PACRG: variants seen among roughly 807,000 people sequenced by gnomAD.
The protein encoded by PACRG is parkin coregulated.
Under a neutral mutation model 29.7 loss-of-function variants are expected in PACRG, and 29 were observed. The ratio of observed to expected loss-of-function variants is 0.98; its 90% CI spans 0.73 to 1.33. The LOEUF is 1.33. PACRG is among the 40% of genes most tolerant of loss of function. The pLI is 0.00. For synonymous variants in PACRG, 116 were observed against 118.7 expected, an observed-to-expected ratio of 0.98 and a Z score of 0.15; for missense variants, 279 against 316.2, an observed-to-expected ratio of 0.88 and a Z score of 0.89.
chr6:162,756,338 T>C (rs1273516831), intron 1 of PACRG, among the ~76,000 whole-genome samples: 2 of 152,188 alleles, frequency 1.3e-5, no homozygotes, highest in African/African-American at 4.8e-5. Context: ...TGGGTGCAAA[T>C]ATATTTATAA....
At chr6:163,030,482 C>T (rs1005804712) in intron 2 of PACRG, among the ~76,000 whole-genome samples, 5 of 152,148 alleles carry the variant, frequency 3.3e-5, no homozygotes, top group African/African-American at 9.7e-5. Flanking sequence ...CTCATCAGAG[C>T]TCCCCTTCCC....
At chr6:163,184,496 G>A (rs145323786) in intron 4 of PACRG, among the ~76,000 whole-genome samples, 387 of 152,240 alleles carry the variant, frequency 2.5e-3, no homozygotes, top group African/African-American at 8.7e-3. Context: ...CCTAAATAAT[G>A]GTGCAATTCT....
chr6:162,787,558 T>TTG (rs377437969), intron 1 of PACRG, among the ~76,000 whole-genome samples: 1,379 of 78,508 alleles, frequency 0.018, 28 homozygotes, highest in South Asian at 0.029. Flanking sequence ...TATATGGTTA[T>TTG]TGTGTGTGTG....
At chr6:163,096,022 C>T (rs142083476) in intron 4 of PACRG, among the ~76,000 whole-genome samples, 68 of 152,300 alleles carry the variant, frequency 4.5e-4, no homozygotes, top group African/African-American at 1.4e-3. Flanking sequence ...CTGCTCTGCA[C>T]GGACTAATGA....
chr6:163,096,258 G>T (rs563281234), intron 4 of PACRG, among the ~76,000 whole-genome samples: 1 of 152,288 alleles, frequency 6.6e-6, no homozygotes, highest in African/African-American at 2.4e-5. Flanking sequence ...GCACCCCAGG[G>T]TGCTGCCGCA....
intron 1 of PACRG, among the ~76,000 whole-genome samples, chr6:162,785,930 C>A (rs1784435440): frequency 6.6e-6 from 1 of 152,220 alleles, no homozygotes; most frequent in Non-Finnish European, 1.5e-5. Flanking sequence ...GGACAGTGCA[C>A]AAGGCTGCCC....
intron 4 of PACRG, among the ~76,000 whole-genome samples, chr6:163,196,825 CAGGT>C (rs1392522786): frequency 4.6e-5 from 7 of 151,628 alleles, no homozygotes; most frequent in African/African-American, 7.3e-5. Flanking sequence ...AATAGATAAA[CAGGT>C]AGAAAGAAAG....
chr6:163,098,378 C>T (rs1322067787), intron 4 of PACRG, among the ~76,000 whole-genome samples: 1 of 152,200 alleles, frequency 6.6e-6, no homozygotes, highest in East Asian at 1.9e-4. Flanking sequence ...TCCATATCCA[C>T]ACTCAGACAT....
intron 2 of PACRG, among the ~76,000 whole-genome samples, chr6:163,034,264 C>A (rs1807952128): frequency 1.3e-5 from 2 of 152,194 alleles, no homozygotes; most frequent in Non-Finnish European, 2.9e-5. Flanking sequence ...AAAAGCTCCC[C>A]ATGTCCCACA....
At chr6:163,299,565 C>A (rs1036588000) in intron 4 of PACRG, among the ~76,000 whole-genome samples, 1 of 152,186 alleles carries the variant, frequency 6.6e-6, no homozygotes, top group African/African-American at 2.4e-5. Context: ...GGAGCTGCTC[C>A]TTTGAGCCAA....
At chr6:163,258,535 A>G (rs1270832614) in intron 4 of PACRG, among the ~76,000 whole-genome samples, 2 of 152,150 alleles carry the variant, frequency 1.3e-5, no homozygotes, top group Non-Finnish European at 2.9e-5. Flanking sequence ...AGACGAGCAG[A>G]TCACGAGGTC....
chr6:162,916,574 C>A lies in PACRG; in HGVS notation c.291+102293C>A, dbSNP rs559554205. On this transcript the variant is annotated intron_variant, in intron 2 of 4. Coordinates refer to ENST00000366888, the MANE Select transcript of PACRG (RefSeq NM_001080379.2). ...CTGTTTCCTTTTTTTCCTTAACCAT[C>A]TTTCTTATGACATTATCCTATTTTA... Among the ~76,000 whole-genome samples, 3 of 152,210 alleles carry A rather than the reference C, an allele frequency of 2.0e-5. No individual in the cohort carries two copies. In the East Asian group the frequency reaches 5.8e-4, roughly 29 times the overall value.
chr6:163,252,288 A>G (rs1782937753), intron 4 of PACRG, among the ~76,000 whole-genome samples: 1 of 152,270 alleles, frequency 6.6e-6, no homozygotes, highest in Non-Finnish European at 1.5e-5. Flanking sequence ...ACGCTCGGCC[A>G]GGCGCCGGCC....
At chr6:163,209,025 A>G (rs910079053) in intron 4 of PACRG, among the ~76,000 whole-genome samples, 4 of 152,190 alleles carry the variant, frequency 2.6e-5, no homozygotes, top group African/African-American at 9.7e-5. Flanking sequence ...CTACAAATAG[A>G]AGCACAAGAC....
chr6:163,273,077 T>C lies in PACRG; in HGVS notation c.614-41750T>C, dbSNP rs1253127682. Among the ~76,000 whole-genome samples, 3 of 148,628 alleles carry C rather than the reference T, an allele frequency of 2.0e-5. No individual in the cohort carries two copies. In the East Asian group the frequency reaches 5.8e-4, roughly 29 times the overall value. On this transcript the variant is annotated intron_variant, in intron 4 of 4. Transcript: ENST00000366888. ...CGGCTAATTTTTTGTATTTTTTTAGTAGAGACGGGGTTTCACCGTTTTAGC... is the reference window on the plus strand; with the variant it reads ...CGGCTAATTTTTTGTATTTTTTTAGCAGAGACGGGGTTTCACCGTTTTAGC...
chr6:163,028,260 T>C (rs1020102180), intron 2 of PACRG, among the ~76,000 whole-genome samples: 2 of 152,238 alleles, frequency 1.3e-5, no homozygotes, highest in Non-Finnish European at 2.9e-5. Context: ...TCATCTGTTA[T>C]AGGCTCTGTG....
chr6:163,193,210 C>A (rs561186485), intron 4 of PACRG, among the ~76,000 whole-genome samples: 1 of 152,028 alleles, frequency 6.6e-6, no homozygotes, highest in South Asian at 2.1e-4. Context: ...TAATGTGCCA[C>A]GTTATATTTT....
At chr6:163,294,917 T>C (rs1784734541) in intron 4 of PACRG, among the ~76,000 whole-genome samples, 1 of 152,230 alleles carries the variant, frequency 6.6e-6, no homozygotes, top group African/African-American at 2.4e-5. Flanking sequence ...ATTTTGCATA[T>C]GGTGGTTTCC....
intron 4 of PACRG, among the ~76,000 whole-genome samples, chr6:163,248,426 T>C (rs1782774002): frequency 7.4e-6 from 1 of 135,454 alleles, no homozygotes. Flanking sequence ...AGTGCATATT[T>C]TATGCAAAAA....
Sources: gnomAD v4.1 joint callset for allele counts (sites outside exome capture counted in the v4.1 genomes callset) on GRCh38, gnomAD v4.1.1 for gene constraint, MANE v1.5 for transcripts, NCBI Gene and HGNC (gene_info 2026-07-23, HGNC 2026-07-21) for gene names.